The following C3orf22 variants were observed in gnomAD, a reference collection of about 807,000 sequenced individuals.
The protein encoded by C3orf22 is chromosome 3 open reading frame 22.
In C3orf22, 7 loss-of-function variants were observed where a neutral mutation model predicts 10.8. The ratio of observed to expected loss-of-function variants is 0.65; its 90% CI spans 0.37 to 1.22. The LOEUF is 1.22. C3orf22 is among the 50% of genes most tolerant of loss of function. The pLI is 0.02. For missense variants in C3orf22, 173 were observed against 177.0 expected (o/e 0.98, Z 0.13); for synonymous variants, 79 against 78.9 (o/e 1.00, Z 0.00).
At chr3:126,549,551 A>G (rs1465103587), downstream of C3orf22, 3 of 878,250 alleles carry the variant, frequency 3.4e-6, no homozygotes, top group Non-Finnish European at 5.0e-6. Context: ...GTGAGTGTAC[A>G]TTTGGGATAA....
At chr3:126,543,943 G>A (rs1202043373) in intron 4 of C3orf22, among the ~76,000 whole-genome samples, 1 of 152,182 alleles carries the variant, frequency 6.6e-6, no homozygotes, top group East Asian at 1.9e-4. Context: ...CCACTGGAGG[G>A]ACATACAAAG....
chr3:126,558,323 G>A (rs896647633), intron 1 of C3orf22, among the ~76,000 whole-genome samples: 1 of 152,206 alleles, frequency 6.6e-6, no homozygotes, highest in East Asian at 1.9e-4. Context: ...GCTGGGCCAT[G>A]CAGCCTCAAA....
At chr3:126,529,410 G>A in intron 4 of C3orf22, 1 of 1,288,468 alleles carries the variant, frequency 7.8e-7, no homozygotes, top group Non-Finnish European at 1.0e-6. Context: ...GTCAGGACAA[G>A]GGGGCACCCA....
intron 4 of C3orf22, among the ~76,000 whole-genome samples, chr3:126,537,036 T>C (rs567153529): frequency 6.6e-6 from 1 of 152,118 alleles, no homozygotes; most frequent in Non-Finnish European, 1.5e-5. Context: ...GTCCCTCCCC[T>C]AGTGGAGCCA....
intron 2 of C3orf22, among the ~76,000 whole-genome samples, chr3:126,552,429 G>A (rs1937214324): frequency 2.0e-5 from 3 of 152,126 alleles, no homozygotes; most frequent in African/African-American, 7.2e-5. Context: ...GGCCTCCCCT[G>A]GTTTCAACCT....
At chr3:126,549,485 T>C, downstream of C3orf22, 1 of 512,196 alleles carries the variant, frequency 2.0e-6, no homozygotes, top group Non-Finnish European at 3.6e-6. Flanking sequence ...TTTAGCTGCT[T>C]TCCAATCCTT....
chr3:126,539,758 C>CAG (rs1936895177), intron 4 of C3orf22, among the ~76,000 whole-genome samples: 1 of 82,358 alleles, frequency 1.2e-5, no homozygotes, highest in Non-Finnish European at 2.4e-5. Flanking sequence ...CCACACACTC[C>CAG]ACACCACACA....
intron 1 of C3orf22, among the ~76,000 whole-genome samples, chr3:126,557,164 C>A (rs924293672): frequency 6.6e-6 from 1 of 152,132 alleles, no homozygotes; most frequent in Non-Finnish European, 1.5e-5. Flanking sequence ...ATACACACCC[C>A]CACACACAGG....
intron 4 of C3orf22, among the ~76,000 whole-genome samples, chr3:126,532,453 T>C (rs1219280887): frequency 6.6e-6 from 1 of 152,210 alleles, no homozygotes; most frequent in East Asian, 1.9e-4. Context: ...GTATGTGGTA[T>C]GAAGATGGGG....
chr3:126,543,890 C>G (rs1405214670), intron 4 of C3orf22, among the ~76,000 whole-genome samples: 1 of 152,186 alleles, frequency 6.6e-6, no homozygotes, highest in Non-Finnish European at 1.5e-5. Context: ...CTGCAGCTGC[C>G]ACTGGTTTCC....
Position 126,549,775 on chromosome 3 carries a change from G to A in C3orf22, c.*93C>T, listed in dbSNP as rs1937137593. ...ACTCCCGGTCTATGATGGCCATGAAGGCTGATCCCTTTACTAAAGTCTCTG... is the reference window on the plus strand; with the variant it reads ...ACTCCCGGTCTATGATGGCCATGAAAGCTGATCCCTTTACTAAAGTCTCTG... On this transcript the variant is annotated 3_prime_UTR_variant, in exon 4 of 4. Coordinates refer to ENST00000318225, the MANE Select transcript of C3orf22 (RefSeq NM_152533.3). 2 of 1,515,828 alleles carry A rather than the reference G, an allele frequency of 1.3e-6. No individual in the cohort carries two copies. Among genetic ancestry groups the A allele is most frequent in the Non-Finnish European group, 1.8e-6 (2 of 1,132,222 alleles). 93.9% of individuals were successfully genotyped at this position (1,515,828 alleles called of 1,614,324 possible).
intron 4 of C3orf22, among the ~76,000 whole-genome samples, chr3:126,532,295 A>G (rs1158328802): frequency 6.6e-6 from 1 of 152,188 alleles, no homozygotes; most frequent in East Asian, 1.9e-4. Flanking sequence ...TATTTTTTAA[A>G]ATTTTGTTGT....
chr3:126,532,749 A>G (rs1936684164), intron 4 of C3orf22, among the ~76,000 whole-genome samples: 1 of 152,188 alleles, frequency 6.6e-6, no homozygotes, highest in African/African-American at 2.4e-5. Context: ...GATATTCTGA[A>G]TCCCTTCACT....
chr3:126,541,377 C>T (rs1291922469), intron 4 of C3orf22, among the ~76,000 whole-genome samples: 1 of 152,220 alleles, frequency 6.6e-6, no homozygotes, highest in African/African-American at 2.4e-5. Context: ...TCTTATGCAG[C>T]CTCCTGCTTT....
At chr3:126,546,751 C>A (rs1937075220), downstream of C3orf22, among the ~76,000 whole-genome samples, 1 of 152,092 alleles carries the variant, frequency 6.6e-6, no homozygotes, top group African/African-American at 2.4e-5. Flanking sequence ...GTGGTCCCAG[C>A]AGACTAAGCC....
rs141316967 is a variant in C3orf22 at position 126,555,240 on chromosome 3, C to A, written c.-40-1810G>T. On this transcript the variant is annotated intron_variant, in intron 1 of 3. Transcript: ENST00000318225. ...GGCCAGCCCTTTGGTCAAGGTGACC[C>A]CTGATGCGTGCTTCCCTGGCTGCTG... 3.7e-4 allele frequency among the ~76,000 whole-genome samples: 57 copies of A among 152,328 alleles called. No individual in the cohort carries two copies. The East Asian group carries it at 0.011, about 29-fold the overall frequency.
intron 4 of C3orf22, among the ~76,000 whole-genome samples, chr3:126,530,673 G>A (rs1007605442): frequency 6.6e-6 from 1 of 152,238 alleles, no homozygotes; most frequent in African/African-American, 2.4e-5. Context: ...CCCAGCCTGG[G>A]TCTCCCTGCA....
At chr3:126,545,971 A>G (rs991761306), downstream of C3orf22, among the ~76,000 whole-genome samples, 1 of 152,148 alleles carries the variant, frequency 6.6e-6, no homozygotes, top group Non-Finnish European at 1.5e-5. Context: ...CAAGTATCCC[A>G]ATGTCAAAGG....
At chr3:126,541,966 C>G (rs1391697178) in intron 4 of C3orf22, 1 of 1,584,532 alleles carries the variant, frequency 6.3e-7, no homozygotes, top group Non-Finnish European at 8.6e-7. Flanking sequence ...CGCGCGCCAT[C>G]TCCGCGCAAG....
Sources: allele counts gnomAD v4.1 joint callset (sites outside exome capture counted in the v4.1 genomes callset), GRCh38; gene constraint gnomAD v4.1.1; transcripts MANE v1.5; gene names NCBI Gene and HGNC (gene_info 2026-07-23, HGNC 2026-07-21).